The following KAT6A variants were observed in gnomAD, a reference collection of about 807,000 sequenced individuals.
KAT6A encodes the protein lysine acetyltransferase 6A.
KAT6A carries 9 observed loss-of-function variants against 198.4 expected under a neutral mutation model. That is an observed-to-expected ratio of 0.05 (90% CI 0.03 to 0.08). KAT6A has a LOEUF of 0.08. KAT6A is among the 10% of genes least tolerant of loss of function. KAT6A has a pLI of 1.00. For missense variants in KAT6A, 2,077 were observed against 2,509.9 expected (o/e 0.83, Z 3.69); for synonymous variants, 890 against 883.0 (o/e 1.01, Z -0.14).
In KAT6A at chr8:41,942,942, T is replaced by C. The variant is rs1323551805; in HGVS notation, c.2287A>G (p.Asn763Asp). ...IQDHMAKLQL[N>D]LRPVDVDPEC... is the part of the protein sequence containing the mutation. ...GGATCTACATCTACAGGTCGCAAAT[T>C]CAGCTGAAGCTTTGCCATGTGATCC... The change falls in exon 14 of 17, where the codon AAT (asparagine) becomes GAT (aspartate). Residue 763 changes from asparagine (N) to aspartate (D), a missense_variant. Around this residue, in one of 13 missense-constraint regions of KAT6A, gnomAD observed 127 missense variants for 209.6 expected, o/e 0.61. Transcript: ENST00000265713. 1.9e-6 allele frequency: 3 copies of C among 1,614,080 alleles called. No individual in the cohort carries two copies. Among genetic ancestry groups the C allele is most frequent in the Non-Finnish European group, 2.5e-6 (3 of 1,180,050 alleles).
chr8:42,022,443 C>T (rs4736824), intron 2 of KAT6A, among the ~76,000 whole-genome samples: 85,606 of 151,906 alleles, frequency 0.56, 24,556 homozygotes, highest in African/African-American at 0.65. Context: ...AGGGTTAAAA[C>T]AGCCTAACAG....
chr8:42,026,573 T>C (rs776514068), intron 2 of KAT6A, among the ~76,000 whole-genome samples: 4 of 152,336 alleles, frequency 2.6e-5, no homozygotes, highest in East Asian at 1.9e-4. Context: ...TCTTTTGTTA[T>C]TGGTGTATGG....
Position 41,930,839 on chromosome 8 carries a change from GAACTTGCGTTAT to G in KAT6A, c.*1354_*1365del, listed in dbSNP as rs1821507224. ...GAGAATGGAGTTGGGAGCAACACAT[GAACTTGCGTTAT>G]AACATTCTGCTGTCCAGATCTGCCC... On this transcript the variant is annotated 3_prime_UTR_variant, in exon 17 of 17. Coordinates refer to ENST00000265713, the MANE Select transcript of KAT6A (RefSeq NM_006766.5). 1 of 198,452 alleles carries G rather than the reference GAACTTGCGTTAT, an allele frequency of 5.0e-6. No individual in the cohort carries two copies. The highest frequency in any genetic ancestry group is 1.0e-5 in the Non-Finnish European group (1 of 97,412). The allele number at this position is 198,452 out of a possible 1,614,324, so 12.3% of individuals were successfully genotyped here.
At position 41,941,762 on chromosome 8, in the gene KAT6A, A is replaced by G. The variant is rs12543801; in HGVS notation, c.2437-318T>C. Among the ~76,000 whole-genome samples the G allele has an allele frequency of 0.1, 15,950 of 152,214 alleles. 1,074 individuals are homozygous for G. Among genetic ancestry groups the G allele is most frequent in the East Asian group, 0.24 (1,263 of 5,176 alleles). On this transcript the variant is annotated intron_variant, in intron 14 of 16. Transcript: ENST00000265713. ...AGAGCAAGAGAAGATGCTGGGATAG[A>G]AAGCCTGGCAGTCTGACTCCAGAGC...
At chr8:41,987,387 C>A in intron 3 of KAT6A, 68 bp downstream of exon 3, 1 of 884,012 alleles carries the variant, frequency 1.1e-6, no homozygotes, top group South Asian at 1.4e-5. Flanking sequence ...GATACAAACT[C>A]AAGTCAACAT....
intron 2 of KAT6A, among the ~76,000 whole-genome samples, chr8:41,993,313 A>C (rs1471870770): frequency 6.6e-6 from 1 of 152,240 alleles, no homozygotes; most frequent in Non-Finnish European, 1.5e-5. Flanking sequence ...GTGCTTACTC[A>C]TGACACAAAA....
In KAT6A at chr8:41,930,762, C is replaced by T. The variant is rs1210275490; in HGVS notation, c.*1443G>A. 1.5e-5 allele frequency: 2 copies of T among 132,518 alleles called. No individual in the cohort carries two copies. Among genetic ancestry groups the T allele is most frequent in the Non-Finnish European group, 2.9e-5 (2 of 69,710 alleles). 8.2% of individuals were successfully genotyped at this position (132,518 alleles called of 1,614,324 possible). ...TTTTTTTTTTTTTTTTTTACCTATC[C>T]CTGGAGCAAGTAATAGGAAGAGAAT... On this transcript the variant is annotated 3_prime_UTR_variant, in exon 17 of 17. Transcript: ENST00000265713.
At chr8:42,005,212 G>A (rs540927607) in intron 2 of KAT6A, among the ~76,000 whole-genome samples, 23 of 152,074 alleles carry the variant, frequency 1.5e-4, no homozygotes, top group Admixed American at 1.2e-3. Flanking sequence ...TGTCTTCAAA[G>A]TCCTTTCAGA....
At chr8:41,972,948 C>A (rs553850806) in intron 8 of KAT6A, among the ~76,000 whole-genome samples, 9 of 152,314 alleles carry the variant, frequency 5.9e-5, no homozygotes, top group Non-Finnish European at 1.0e-4. Context: ...TATAATAACT[C>A]ACTAGCATGA....
chr8:41,935,386 G>A (rs1318344034), intron 16 of KAT6A, among the ~76,000 whole-genome samples: 1 of 152,036 alleles, frequency 6.6e-6, no homozygotes, highest in African/African-American at 2.4e-5. Flanking sequence ...TCTAGGCCAT[G>A]ACTGAGCCAT....
At chr8:41,989,545 C>CGTGAT (rs1488226262) in intron 2 of KAT6A, among the ~76,000 whole-genome samples, 5 of 151,838 alleles carry the variant, frequency 3.3e-5, no homozygotes, top group Non-Finnish European at 7.4e-5. Flanking sequence ...CGTGACGTGA[C>CGTGAT]GTGACGTGAC....
At chr8:41,972,024 T>A (rs1823819604) in intron 8 of KAT6A, among the ~76,000 whole-genome samples, 1 of 152,208 alleles carries the variant, frequency 6.6e-6, no homozygotes, top group East Asian at 1.9e-4. Flanking sequence ...AACATCTTGC[T>A]GTGGCCAGAA....
Position 42,049,118 on chromosome 8 carries a change from C to A in KAT6A, c.-141G>T. ...GAGTTTTCTGGCCTAAGTCCTTCCT[C>A]CTTTCACAAAACAGAATGCCACCCC... On this transcript the variant is annotated 5_prime_UTR_variant, in exon 2 of 17. Coordinates refer to ENST00000265713, the MANE Select transcript of KAT6A (RefSeq NM_006766.5). 2.4e-6 allele frequency: 2 copies of A among 839,280 alleles called. No homozygotes were observed. The highest frequency in any genetic ancestry group is 3.7e-6 in the Non-Finnish European group (2 of 537,314). 52.0% of individuals were successfully genotyped at this position (839,280 alleles called of 1,614,324 possible).
intron 2 of KAT6A, among the ~76,000 whole-genome samples, chr8:42,045,622 TTC>T (rs1386281902): frequency 6.6e-6 from 1 of 151,906 alleles, no homozygotes; most frequent in Non-Finnish European, 1.5e-5. Flanking sequence ...AAATGGGCAT[TTC>T]TTTTTCATTT....
At chr8:42,017,449 A>T (rs1398550850) in intron 2 of KAT6A, among the ~76,000 whole-genome samples, 3 of 152,212 alleles carry the variant, frequency 2.0e-5, no homozygotes, top group Non-Finnish European at 2.9e-5. Flanking sequence ...ATATTTGTTT[A>T]TAAAGGAAGG....
At chr8:41,936,852 C>T (rs1046359804) in intron 16 of KAT6A, among the ~76,000 whole-genome samples, 5 of 152,272 alleles carry the variant, frequency 3.3e-5, no homozygotes, top group African/African-American at 9.6e-5. Flanking sequence ...TACTGAGCGC[C>T]GGGCTTAAGC....
chr8:41,998,974 C>T, intron 2 of KAT6A, among the ~76,000 whole-genome samples: 1 of 152,034 alleles, frequency 6.6e-6, no homozygotes, highest in East Asian at 1.9e-4. Flanking sequence ...AATAGGGATG[C>T]TAAATTGAAT....
intron 2 of KAT6A, among the ~76,000 whole-genome samples, chr8:42,038,143 C>T (rs1030478694): frequency 6.6e-6 from 1 of 152,218 alleles, no homozygotes; most frequent in Non-Finnish European, 1.5e-5. Flanking sequence ...TGATCCAAGT[C>T]ACTCAGAGGT....
At chr8:42,003,296 G>A (rs943334473) in intron 2 of KAT6A, among the ~76,000 whole-genome samples, 2 of 152,080 alleles carry the variant, frequency 1.3e-5, no homozygotes, top group Non-Finnish European at 2.9e-5. Context: ...ACAGCAGCAG[G>A]GCAAGACATC....
Sources: gnomAD v4.1 joint callset for allele counts (sites outside exome capture counted in the v4.1 genomes callset) on GRCh38, gnomAD v4.1.1 for gene constraint, gnomAD v4.1.1 regional missense constraint, MANE v1.5 for transcripts, NCBI Gene and HGNC (gene_info 2026-07-23, HGNC 2026-07-21) for gene names.